The following GPM6A variants were observed in gnomAD, a reference collection of about 807,000 sequenced individuals.
GPM6A encodes neuronal membrane glycoprotein M6-a.
A neutral mutation model predicts 32.1 loss-of-function variants in GPM6A; 7 were observed. The observed-to-expected ratio is 0.22, with a 90% CI of 0.12 to 0.41. The LOEUF (loss-of-function observed/expected upper bound fraction) is 0.41, where lower values mean the gene tolerates loss of function less well. Among genes scored for constraint, GPM6A ranks in the 10% least tolerant of loss-of-function variants. The pLI, the probability that GPM6A is intolerant of heterozygous loss-of-function variation, is 1.00. For synonymous variants in GPM6A, 130 were observed against 123.4 expected, an observed-to-expected ratio of 1.05 and a Z score of -0.35; for missense variants, 235 against 347.2, an observed-to-expected ratio of 0.68 and a Z score of 2.57.
At chr4:175,945,901 C>T (rs570851879) in intron 1 of GPM6A, among the ~76,000 whole-genome samples, 1 of 147,410 alleles carries the variant, frequency 6.8e-6, no homozygotes, top group African/African-American at 2.5e-5. Context: ...TTACGTACAA[C>T]TAAGTAATAC....
At chr4:175,640,995 A>G in intron 4 of GPM6A, 166 bp from the exon 5 acceptor site, 1 of 595,220 alleles carries the variant, frequency 1.7e-6, no homozygotes, top group Non-Finnish European at 3.0e-6. Context: ...AACTATGCAT[A>G]GAATTATGAA....
chr4:175,732,098 C>T (rs985231290), intron 1 of GPM6A, among the ~76,000 whole-genome samples: 6 of 151,588 alleles, frequency 4.0e-5, no homozygotes, highest in Admixed American at 3.3e-4. Context: ...TCCCTAATAG[C>T]TGGGACTACA....
At chr4:175,900,739 G>C (rs1579610567) in intron 1 of GPM6A, among the ~76,000 whole-genome samples, 2 of 152,066 alleles carry the variant, frequency 1.3e-5, no homozygotes, top group Admixed American at 1.3e-4. Context: ...TAAAAATAGA[G>C]CTGCCATATG....
intron 2 of GPM6A, among the ~76,000 whole-genome samples, chr4:175,693,444 A>G (rs1319456477): frequency 1.3e-5 from 2 of 152,002 alleles, no homozygotes; most frequent in Non-Finnish European, 1.5e-5. Flanking sequence ...TAAGATAGCT[A>G]TTCTTGAGTT....
At chr4:175,826,355 C>T (rs1735439934) in intron 1 of GPM6A, among the ~76,000 whole-genome samples, 1 of 146,558 alleles carries the variant, frequency 6.8e-6, no homozygotes. Context: ...GTGTGTGTAT[C>T]GTGAATTAGG....
intron 2 of GPM6A, among the ~76,000 whole-genome samples, chr4:175,693,842 T>G (rs1378343349): frequency 6.6e-6 from 1 of 152,104 alleles, no homozygotes; most frequent in Non-Finnish European, 1.5e-5. Context: ...ATGTCAGAGG[T>G]GGAGCCTGGT....
intron 1 of GPM6A, among the ~76,000 whole-genome samples, chr4:175,961,721 A>C (rs1301010352): frequency 6.6e-6 from 1 of 152,146 alleles, no homozygotes; most frequent in Non-Finnish European, 1.5e-5. Flanking sequence ...GTGAGAGAGC[A>C]GCTCTTTCGA....
intron 6 of GPM6A, among the ~76,000 whole-genome samples, chr4:175,639,740 G>A (rs1022570374): frequency 2.0e-5 from 3 of 151,668 alleles, no homozygotes; most frequent in African/African-American, 7.3e-5. Flanking sequence ...AACCTAATTT[G>A]TTTTTCATAA....
At chr4:175,641,099 A>T in intron 4 of GPM6A, 2 of 433,602 alleles carry the variant, frequency 4.6e-6, no homozygotes, top group Non-Finnish European at 8.3e-6. Context: ...AGACTCAATT[A>T]TAGCCAGTTT....
At chr4:175,832,063 T>A (rs901957669) in intron 1 of GPM6A, among the ~76,000 whole-genome samples, 1 of 152,028 alleles carries the variant, frequency 6.6e-6, no homozygotes, top group Non-Finnish European at 1.5e-5. Context: ...GGAAGTACCT[T>A]CCCTGATACT....
intron 1 of GPM6A, among the ~76,000 whole-genome samples, chr4:175,736,020 A>C (rs145101456): frequency 6.6e-6 from 1 of 151,962 alleles, no homozygotes; most frequent in Non-Finnish European, 1.5e-5. Context: ...GTTTTCTTTT[A>C]TTTTTATTTA....
At chr4:175,859,529 C>A (rs1736511646) in intron 1 of GPM6A, among the ~76,000 whole-genome samples, 1 of 152,100 alleles carries the variant, frequency 6.6e-6, no homozygotes, top group South Asian at 2.1e-4. Context: ...GAAAATATAT[C>A]CATACGCTTC....
intron 1 of GPM6A, among the ~76,000 whole-genome samples, chr4:175,833,570 T>C: frequency 6.6e-6 from 1 of 152,208 alleles, no homozygotes; most frequent in East Asian, 1.9e-4. Context: ...TAAATATTTT[T>C]GGTGAAGTCT....
intron 2 of GPM6A, among the ~76,000 whole-genome samples, chr4:175,699,306 G>T (rs1003028257): frequency 6.6e-6 from 1 of 152,014 alleles, no homozygotes; most frequent in Non-Finnish European, 1.5e-5. Context: ...TCTTTAAAGG[G>T]TTGATTCATG....
intron 1 of GPM6A, among the ~76,000 whole-genome samples, chr4:175,731,804 T>C (rs551125236): frequency 6.6e-6 from 1 of 152,246 alleles, no homozygotes; most frequent in South Asian, 2.1e-4. Context: ...TTGCTACCTC[T>C]CTGACCTTAT....
intron 1 of GPM6A, among the ~76,000 whole-genome samples, chr4:175,832,601 A>C (rs1242545448): frequency 6.6e-6 from 1 of 152,236 alleles, no homozygotes; most frequent in Non-Finnish European, 1.5e-5. Flanking sequence ...AACAGGAAGG[A>C]AGCATTAACT....
intron 1 of GPM6A, among the ~76,000 whole-genome samples, chr4:175,796,847 C>T (rs1232978124): frequency 1.3e-5 from 2 of 152,126 alleles, no homozygotes; most frequent in African/African-American, 2.4e-5. Flanking sequence ...TCAGTGCTAC[C>T]CCCAGGAATT....
chr4:175,787,306 T>C (rs1733840774), intron 1 of GPM6A: 2 of 1,298,628 alleles, frequency 1.5e-6, no homozygotes, highest in Non-Finnish European at 2.1e-6. Context: ...TCACTGATAA[T>C]ACTCCCACCA....
intron 1 of GPM6A, among the ~76,000 whole-genome samples, chr4:175,754,855 CCAA>C (rs917226936): frequency 1.2e-4 from 18 of 152,036 alleles, no homozygotes; most frequent in African/African-American, 4.3e-4. Context: ...CCATTCTATT[CCAA>C]CAACAAAGTG....
Sources: allele counts gnomAD v4.1 joint callset (sites outside exome capture counted in the v4.1 genomes callset), GRCh38; gene constraint gnomAD v4.1.1; transcripts MANE v1.5; gene names NCBI Gene and HGNC (gene_info 2026-07-23, HGNC 2026-07-21).